Variants in PPP1R12C observed in about 807,000 individuals in gnomAD.
PPP1R12C encodes the protein protein phosphatase 1 regulatory subunit 12C.
In PPP1R12C, 48 loss-of-function variants were observed where a neutral mutation model predicts 95.6. The observed-to-expected ratio is 0.50, with a 90% CI of 0.40 to 0.64. The LOEUF is 0.64. Ranked by LOEUF, PPP1R12C falls within the 30% of genes least tolerant of loss-of-function variation. The pLI is 0.00. For synonymous variants in PPP1R12C, 480 were observed against 460.8 expected (o/e 1.04, Z -0.53); for missense variants, 1,057 against 1,083.3 (o/e 0.98, Z 0.34).
intron 4 of PPP1R12C, among the ~76,000 whole-genome samples, chr19:55,101,842 C>T (rs545166907): frequency 5.3e-5 from 8 of 152,126 alleles, no homozygotes; most frequent in East Asian, 3.9e-4. Flanking sequence ...GAAGGGACAG[C>T]GGTCTGGAGC....
At chr19:55,097,636 T>G (rs2084936659) in intron 6 of PPP1R12C, among the ~76,000 whole-genome samples, 1 of 110,970 alleles carries the variant, frequency 9.0e-6, no homozygotes, top group Non-Finnish European at 1.9e-5. Flanking sequence ...CACCACCGTC[T>G]TCACCCCTTC....
At chr19:55,101,616 G>A (rs2084980082) in intron 4 of PPP1R12C, among the ~76,000 whole-genome samples, 2 of 152,224 alleles carry the variant, frequency 1.3e-5, no homozygotes, top group South Asian at 2.1e-4. Flanking sequence ...AGGTGCAGTG[G>A]CAGGAGATGA....
Position 55,092,211 on chromosome 19 carries a change from G to A in PPP1R12C, c.2160+11C>T, listed in dbSNP as rs1416749708. On this transcript the variant is annotated intron_variant, in intron 19 of 21. Transcript: ENST00000263433. ...TGCCAGTTCCCGTGACCCTGGCCTC[G>A]GCGCCCTTACCTGCGTGGCCCGCTC... is the stretch of plus-strand genomic sequence containing the variant. The A allele has an allele frequency of 5.8e-6, 9 of 1,553,714 alleles. No homozygotes were observed. The highest frequency in any genetic ancestry group is 2.4e-5 in the East Asian group (1 of 41,748).
chr19:55,112,748 C>G lies in PPP1R12C; in HGVS notation c.369G>C (p.Gln123His), dbSNP rs769134366. Residue 123 changes from glutamine (Q) to histidine (H), a missense_variant, in exon 2 of 22, where the codon CAG becomes CAC. Around this residue, in one of 5 missense-constraint regions of PPP1R12C, gnomAD observed 282 missense variants for 380.4 expected, o/e 0.74. Coordinates refer to ENST00000263433, the MANE Select transcript of PPP1R12C (RefSeq NM_017607.4). ...TGTCTGCCTGGTTCACAGTGGCGCC[C>G]TGCTCCACCAAGAAGCGCACCACCT... ...NLEVVRFLVE[Q>H]GATVNQADNE... 1.1e-4 allele frequency: 171 copies of G among 1,613,668 alleles called. No individual in the cohort carries two copies. Among genetic ancestry groups the G allele is most frequent in the Non-Finnish European group, 1.4e-4 (161 of 1,179,994 alleles).
intron 3 of PPP1R12C, among the ~76,000 whole-genome samples, chr19:55,106,832 C>G (rs770935706): frequency 1.3e-4 from 20 of 152,198 alleles, no homozygotes; most frequent in Non-Finnish European, 2.8e-4. Context: ...CATCACCAGG[C>G]CTTCCTGTCA....
In PPP1R12C at chr19:55,091,203, G is replaced by A. The variant is rs2084834910; in HGVS notation, c.*269C>T. On this transcript the variant is annotated 3_prime_UTR_variant, in exon 22 of 22. Transcript: ENST00000263433. ...CTGGCTACTGATCCTTGCACTTCTT[G>A]GTCCTCAGTTCCTTCCTGGTCCCGT... 1 of 517,906 alleles carries A rather than the reference G, an allele frequency of 1.9e-6. No individual in the cohort carries two copies. Among genetic ancestry groups the A allele is most frequent in the African/African-American group, 1.9e-5 (1 of 52,182 alleles). 32.1% of individuals were successfully genotyped at this position (517,906 alleles called of 1,614,324 possible). A position where few individuals can be genotyped will look rare whatever the true frequency, so the allele number is the denominator to read the frequency against.
chr19:55,110,064 A>C (rs2085078762), intron 3 of PPP1R12C, among the ~76,000 whole-genome samples: 1 of 152,122 alleles, frequency 6.6e-6, no homozygotes, highest in Admixed American at 6.5e-5. Flanking sequence ...AGCTGATGCA[A>C]GTTATGAGCA....
intron 14 of PPP1R12C, 27 bp downstream of exon 14, chr19:55,093,126 C>T (rs1478076072): frequency 5.6e-6 from 9 of 1,613,452 alleles, no homozygotes; most frequent in Non-Finnish European, 7.6e-6. Flanking sequence ...CCGCACCACC[C>T]CACTCGCCCT....
At chr19:55,103,941 G>T (rs1443607766) in intron 3 of PPP1R12C, among the ~76,000 whole-genome samples, 1 of 149,448 alleles carries the variant, frequency 6.7e-6, no homozygotes, top group Admixed American at 6.7e-5. Flanking sequence ...CACGAGCTCA[G>T]GACTTCAAGA....
chr19:55,103,645 A>G, intron 3 of PPP1R12C, 77 bp from the exon 4 acceptor site: 3 of 1,380,308 alleles, frequency 2.2e-6, no homozygotes, highest in Non-Finnish European at 2.9e-6. Context: ...TGGGCTGGCC[A>G]GGGTTCAGCC....
intron 11 of PPP1R12C, 123 bp downstream of exon 11, chr19:55,095,168 G>T: frequency 1.8e-6 from 2 of 1,112,010 alleles, no homozygotes; most frequent in Non-Finnish European, 2.7e-6. Context: ...CACAGCACAG[G>T]CTCTGGAGTG....
chr19:55,091,482 A>G lies in PPP1R12C; in HGVS notation c.2339T>C (p.Leu780Pro). Residue 780 changes from leucine (L) to proline (P), a missense_variant, in exon 22 of 22, where the codon CTC (leucine) becomes CCC (proline). By Grantham distance (98) the Leu-to-Pro change is moderately conservative. Coordinates refer to ENST00000263433, the MANE Select transcript of PPP1R12C (RefSeq NM_017607.4). Reference protein sequence around the residue: ...NAALIRVISKLSK With the variant: ...NAALIRVISKPSK Reference sequence around the variant, plus strand: ...GAAAGTCCCTCCGGGTCACTTGGAGAGTTTGCTGATGACGCGGATCAACGC... The same window carrying G: ...GAAAGTCCCTCCGGGTCACTTGGAGGGTTTGCTGATGACGCGGATCAACGC... 1.2e-6 allele frequency: 2 copies of G among 1,613,904 alleles called. No homozygotes were observed. Among genetic ancestry groups the G allele is most frequent in the Non-Finnish European group, 1.7e-6 (2 of 1,179,882 alleles).
At chr19:55,113,742 G>C (rs1008869221) in intron 1 of PPP1R12C, 4 of 466,186 alleles carry the variant, frequency 8.6e-6, no homozygotes, top group South Asian at 9.2e-5. Context: ...ATGGAAACTC[G>C]GGCTGTGAAG....
In PPP1R12C at chr19:55,112,710, G is replaced by T. The variant is rs145116714; in HGVS notation, c.407C>A (p.Thr136Lys). The T allele has an allele frequency of 6.2e-7, 1 of 1,613,826 alleles. No homozygotes were observed. Among genetic ancestry groups the T allele is most frequent in the African/African-American group, 1.3e-5 (1 of 74,980 alleles). ...ACAGGAGGCGGCCACGTGCAGTGGCGTCCAGCCCTCGTTGTCTGCCTGGTT... is the reference window on the plus strand; with the variant it reads ...ACAGGAGGCGGCCACGTGCAGTGGCTTCCAGCCCTCGTTGTCTGCCTGGTT... ...TVNQADNEGW[T>K]PLHVAASCGY... Residue 136 changes from threonine (T) to lysine (K), a missense_variant, in exon 2 of 22, where the codon ACG (threonine) becomes AAG (lysine). Coordinates refer to ENST00000263433, the MANE Select transcript of PPP1R12C (RefSeq NM_017607.4).
At chr19:55,106,270 G>A (rs1014251908) in intron 3 of PPP1R12C, among the ~76,000 whole-genome samples, 1 of 152,136 alleles carries the variant, frequency 6.6e-6, no homozygotes, top group Non-Finnish European at 1.5e-5. Flanking sequence ...TGTGGGCTCC[G>A]ACCTCTTACT....
Position 55,099,504 on chromosome 19 carries a change from C to G in PPP1R12C, c.732-409G>C, listed in dbSNP as rs140780563. Among the ~76,000 whole-genome samples, 843 of 152,332 alleles carry G rather than the reference C, an allele frequency of 5.5e-3. 7 individuals carry two copies. The highest frequency in any genetic ancestry group is 0.019 in the African/African-American group (797 of 41,560). On this transcript the variant is annotated intron_variant, in intron 4 of 21. Coordinates refer to ENST00000263433, the MANE Select transcript of PPP1R12C (RefSeq NM_017607.4). ...AGGGCTGTCTCAGGGCAGTAGTGCT[C>G]TAGGACCCGGGCTGGCTTAAAGCAG...
chr19:55,092,912 C>T, intron 15 of PPP1R12C, 44 bp from the exon 16 acceptor site: 2 of 1,595,698 alleles, frequency 1.3e-6, no homozygotes, highest in Non-Finnish European at 8.5e-7. Flanking sequence ...CCAGAGCCCC[C>T]TCTCGGTGCC....
At chr19:55,104,199 T>C (rs7249726) in intron 3 of PPP1R12C, among the ~76,000 whole-genome samples, 8,116 of 119,898 alleles carry the variant, frequency 0.068, 615 homozygotes, top group African/African-American at 0.18. Context: ...TATATATATA[T>C]ACACACACAC....
chr19:55,103,468 G>A lies in PPP1R12C; in HGVS notation c.672C>T (p.Pro224=). The change falls in exon 4 of 22, where the codon CCC becomes CCT. Residue 224 remains proline (P), a synonymous_variant. Transcript: ENST00000263433. ...NGGAMPEARH[P]RTGASALHVA... ...CGTGCAGGGCAGAGGCGCCTGTGCG[G>A]GGGTGCCGGGCCTCTGGCATGGCGC... The A allele has an allele frequency of 6.3e-7, 1 of 1,598,100 alleles. No individual in the cohort carries two copies. Among genetic ancestry groups the A allele is most frequent in the East Asian group, 2.3e-5 (1 of 44,062 alleles).
Sources: gnomAD v4.1 joint callset for allele counts (sites outside exome capture counted in the v4.1 genomes callset) on GRCh38, gnomAD v4.1.1 for gene constraint, gnomAD v4.1.1 regional missense constraint, MANE v1.5 for transcripts, NCBI Gene and HGNC (gene_info 2026-07-23, HGNC 2026-07-21) for gene names.